PTAFR: variants seen among roughly 807,000 people sequenced by gnomAD.
PTAFR encodes the protein platelet-activating factor receptor.
PTAFR carries 8 observed loss-of-function variants against 14.7 expected under a neutral mutation model. That is an observed-to-expected ratio of 0.54 (90% CI 0.32 to 0.98). PTAFR has a LOEUF of 0.98. Among genes scored for constraint, PTAFR ranks in the 50% least tolerant of loss-of-function variants. The pLI, the probability that PTAFR is intolerant of heterozygous loss-of-function variation, is 0.04. For missense variants in PTAFR, 337 were observed against 451.2 expected (o/e 0.75, Z 2.29); for synonymous variants, 156 against 176.5 (o/e 0.88, Z 0.92).
chr1:28,179,592 G>T (rs1246561304), upstream of PTAFR, among the ~76,000 whole-genome samples: 8 of 152,058 alleles, frequency 5.3e-5, no homozygotes, highest in Admixed American at 5.3e-4. Flanking sequence ...GAGGCGGGCA[G>T]ATCACTTGAG....
In PTAFR at chr1:28,156,738, C is replaced by T. The variant is rs1433920600; in HGVS notation, c.-38-5679G>A. On this transcript the variant is annotated intron_variant, in intron 1 of 1. Coordinates refer to ENST00000373857, the MANE Select transcript of PTAFR (RefSeq NM_000952.5). ...TACTGCTGCTCCACAATCTCAGCACCCCTGCCCTTCCTTGGATCCCAAGAT... is the reference window on the plus strand; with the variant it reads ...TACTGCTGCTCCACAATCTCAGCACTCCTGCCCTTCCTTGGATCCCAAGAT... 2.4e-4 allele frequency among the ~76,000 whole-genome samples: 36 copies of T among 152,190 alleles called. 1 individual carries two copies. Among genetic ancestry groups the T allele is most frequent in the Admixed American group, 2.4e-3 (36 of 15,276 alleles).
chr1:28,150,499 C>A lies in PTAFR; in HGVS notation c.523G>T (p.Glu175Ter). The change falls in exon 2 of 2, where the codon GAG becomes TAG. Residue 175 changes from glutamate to a stop codon, truncating the protein, a stop_gained. Transcript: ENST00000373857. LOFTEE classifies it high-confidence loss of function. This position sits in a 1 kb window ranked among gnomAD's most constrained non-coding sequence, Gnocchi z 6.3. The part of the protein sequence containing the change: ...AGSGNVTRCF[E>*]HYEKGSVPVL... ...GGCACGCTGCCCTTCTCGTAATGCT[C>A]AAAGCAGCGAGTGACGTTGCCTGAG... The A allele has an allele frequency of 6.2e-7, 1 of 1,614,162 alleles. No individual in the cohort carries two copies. Among genetic ancestry groups the A allele is most frequent in the Non-Finnish European group, 8.5e-7 (1 of 1,180,026 alleles).
intron 1 of PTAFR, among the ~76,000 whole-genome samples, chr1:28,153,629 C>T (rs1268918109): frequency 1.3e-5 from 2 of 151,210 alleles, no homozygotes; most frequent in Non-Finnish European, 2.9e-5. Flanking sequence ...GTGGCTCACA[C>T]CTGTAATCCC....
chr1:28,168,173 G>A (rs1180907994), intron 1 of PTAFR, among the ~76,000 whole-genome samples: 6 of 142,850 alleles, frequency 4.2e-5, no homozygotes, highest in Admixed American at 1.4e-4. Flanking sequence ...GGGTTTCACC[G>A]TGTTAGCCAG....
At chr1:28,158,126 A>C (rs1646286572) in intron 1 of PTAFR, among the ~76,000 whole-genome samples, 1 of 152,124 alleles carries the variant, frequency 6.6e-6, no homozygotes, top group Non-Finnish European at 1.5e-5. Context: ...CAAGAGAGAG[A>C]TTCAGAAATA....
chr1:28,161,535 C>A (rs1455844757), intron 1 of PTAFR, among the ~76,000 whole-genome samples: 1 of 151,734 alleles, frequency 6.6e-6, no homozygotes, highest in Non-Finnish European at 1.5e-5. Context: ...TAAATAGAGA[C>A]AAGGTCTCAC....
Position 28,175,821 on chromosome 1 carries a change from T to A in PTAFR, c.-39+771A>T, listed in dbSNP as rs565392704. 1.1e-4 allele frequency among the ~76,000 whole-genome samples: 16 copies of A among 152,094 alleles called. 1 individual carries two copies. The East Asian group carries it at 3.1e-3, about 29-fold the overall frequency. ...CGACAATTCTGTGGGGGAGATGGGATTATCATTATTTGACAATTTAGAAAA... is the reference window on the plus strand; with the variant it reads ...CGACAATTCTGTGGGGGAGATGGGAATATCATTATTTGACAATTTAGAAAA... On this transcript the variant is annotated intron_variant, in intron 1 of 1. Coordinates refer to ENST00000373857, the MANE Select transcript of PTAFR (RefSeq NM_000952.5).
At chr1:28,190,182 C>T (rs142988225) in intron 1 of PTAFR, among the ~76,000 whole-genome samples, 2,776 of 151,694 alleles carry the variant, frequency 0.018, 86 homozygotes, top group African/African-American at 0.064. Context: ...ATGTTGGTCA[C>T]GCTGGTCTCA....
Position 28,150,964 on chromosome 1 carries a change from T to C in PTAFR, c.58A>G (p.Ile20Val). Residue 20 changes from isoleucine to valine, a missense_variant, in exon 2 of 2, where the codon ATT becomes GTT. Ile to Val is a conservative substitution (Grantham distance 29, BLOSUM62 3). Transcript: ENST00000373857. This position sits in a 1 kb window ranked among gnomAD's most constrained non-coding sequence, Gnocchi z 6.3. ...AGCACAAAGATGATGCTGTAAACAA[T>C]CGGGAAGAGAGTGTATCGGAACTCA... ...DSEFRYTLFP[I>V]VYSIIFVLGV... The C allele has an allele frequency of 8.7e-6, 14 of 1,613,204 alleles. No individual in the cohort carries two copies. In the Middle Eastern group the frequency reaches 2.0e-3, roughly 228 times the overall value.
At chr1:28,191,586 A>AAGAGAGAG (rs35747744) in intron 1 of PTAFR, among the ~76,000 whole-genome samples, 16 of 145,570 alleles carry the variant, frequency 1.1e-4, no homozygotes, top group African/African-American at 2.0e-4. Context: ...GAAAAAAGAA[A>AAGAGAGAG]AGAGAGAGAG....
upstream of PTAFR, among the ~76,000 whole-genome samples, chr1:28,179,264 C>T (rs1420413046): frequency 6.6e-6 from 1 of 152,192 alleles, no homozygotes; most frequent in East Asian, 1.9e-4. Context: ...CGGGATCAAC[C>T]AGCCTCCATT....
intron 1 of PTAFR, among the ~76,000 whole-genome samples, chr1:28,163,362 T>C (rs1646346500): frequency 6.6e-6 from 1 of 152,188 alleles, no homozygotes; most frequent in Non-Finnish European, 1.5e-5. Context: ...CTAGATCTTT[T>C]TCATCTCTTC....
At chr1:28,155,612 C>G (rs560675089) in intron 1 of PTAFR, among the ~76,000 whole-genome samples, 1 of 152,136 alleles carries the variant, frequency 6.6e-6, no homozygotes, top group Non-Finnish European at 1.5e-5. Flanking sequence ...CGGCTGTAAT[C>G]TCAACACTCT....
rs150374526 is a variant in PTAFR, at chr1:28,152,540, C to T, written c.-38-1481G>A. Among the ~76,000 whole-genome samples the T allele has an allele frequency of 2.7e-3, 413 of 152,052 alleles. 1 individual carries two copies. Among genetic ancestry groups the T allele is most frequent in the African/African-American group, 9.7e-3 (401 of 41,490 alleles). On this transcript the variant is annotated intron_variant, in intron 1 of 1. Coordinates refer to ENST00000373857, the MANE Select transcript of PTAFR (RefSeq NM_000952.5). The stretch of plus-strand genomic sequence containing the variant: ...GGTGGATCTCCTGATGTCAGGAGTT[C>T]GAGACCAGCCTGGCCAACATTATGA...
At chr1:28,189,753 C>T (rs1646637188) in intron 1 of PTAFR, among the ~76,000 whole-genome samples, 1 of 151,492 alleles carries the variant, frequency 6.6e-6, no homozygotes, top group Admixed American at 6.6e-5. Flanking sequence ...GCAACCTCCA[C>T]CTCCTGGGCT....
chr1:28,186,922 G>GTCAA (rs955531779), intron 1 of PTAFR, among the ~76,000 whole-genome samples: 9 of 152,082 alleles, frequency 5.9e-5, no homozygotes, highest in South Asian at 2.1e-4. Flanking sequence ...GAGACTCCAT[G>GTCAA]TCAATCAATC....
chr1:28,176,281 A>G (rs1420603615), intron 1 of PTAFR, among the ~76,000 whole-genome samples: 2 of 151,880 alleles, frequency 1.3e-5, no homozygotes, highest in Non-Finnish European at 2.9e-5. Context: ...CGTCTCCACA[A>G]AAAATACAAA....
chr1:28,189,950 G>C (rs766592034), intron 1 of PTAFR, among the ~76,000 whole-genome samples: 6 of 151,724 alleles, frequency 4.0e-5, no homozygotes, highest in Non-Finnish European at 7.4e-5. Flanking sequence ...ACAGGCATGA[G>C]CCACCATGCC....
At chr1:28,163,310 G>T (rs1646346081) in intron 1 of PTAFR, among the ~76,000 whole-genome samples, 1 of 152,152 alleles carries the variant, frequency 6.6e-6, no homozygotes, top group African/African-American at 2.4e-5. Context: ...TAATTTCTGT[G>T]GCTGTTTCCT....
Sources: allele counts gnomAD v4.1 joint callset (sites outside exome capture counted in the v4.1 genomes callset), GRCh38; gene constraint gnomAD v4.1.1; non-coding constraint Gnocchi (gnomAD v3.1); transcripts MANE v1.5; gene names NCBI Gene and HGNC (gene_info 2026-07-23, HGNC 2026-07-21).